The following USP9X variants were observed in gnomAD, a reference collection of about 807,000 sequenced individuals.
USP9X encodes the protein ubiquitin specific peptidase 9 X-linked, also known as ubiquitin carboxyl-terminal hydrolase 9X.
USP9X carries 7 observed loss-of-function variants against 190.3 expected under a neutral mutation model. The observed-to-expected ratio is 0.04, with a 90% CI of 0.02 to 0.07. The LOEUF (loss-of-function observed/expected upper bound fraction) is 0.07. Ranked by LOEUF, USP9X falls within the 10% of genes least tolerant of loss-of-function variation. The pLI, the probability that USP9X is intolerant of heterozygous loss-of-function variation, is 1.00. For synonymous variants in USP9X, 645 were observed against 659.5 expected (o/e 0.98, Z 0.34); for missense variants, 1,010 against 1,916.9 (o/e 0.53, Z 8.83).
intron 4 of USP9X, 106 bp downstream of exon 4, chrX:41,131,642 A>G: frequency 1.5e-6 from 1 of 660,906 alleles, no homozygotes; most frequent in Non-Finnish European, 2.2e-6. Context: ...TCATAAACAC[A>G]TACTGCAGCT....
chrX:41,125,643 A>AACACACACAC lies in USP9X; in HGVS notation c.96+1952_96+1961dup, dbSNP rs748348083. ...TCCCTCCCCCCACACCCCTCCCGCC[A>AACACACACAC]ACACACACACACACACACACACACA... On this transcript the variant is annotated intron_variant, in intron 2 of 44. Transcript: ENST00000378308. 5.0e-3 allele frequency among the ~76,000 whole-genome samples: 137 copies of AACACACACAC among 27,669 alleles called. 1 individual carries two copies. The highest frequency in any genetic ancestry group is 6.5e-3 in the Non-Finnish European group (99 of 15,216). 24.0% of individuals were successfully genotyped at this position (27,669 alleles called of 115,157 possible).
At chrX:41,125,684 A>ACACACACACACACACACCCTCT in intron 2 of USP9X, among the ~76,000 whole-genome samples, 1 of 19,027 alleles carries the variant, frequency 5.3e-5, no homozygotes, top group Non-Finnish European at 9.0e-5. Context: ...ACACACACAC[A>ACACACACACACACACACCCTCT]CTCTCTCTCT....
chrX:41,170,743 C>T, intron 20 of USP9X, 124 bp downstream of exon 20: 1 of 650,758 alleles, frequency 1.5e-6, no homozygotes, highest in East Asian at 3.7e-5. Context: ...CAAAAAAATA[C>T]AGTTAACCAC....
intron 26 of USP9X, among the ~76,000 whole-genome samples, chrX:41,190,244 G>T (rs1235339797): frequency 1.8e-5 from 2 of 111,925 alleles, no homozygotes; most frequent in Non-Finnish European, 3.8e-5. Context: ...ATGAAACATA[G>T]TAATAATTAA....
At chrX:41,109,219 A>T (rs766418175) in intron 1 of USP9X, among the ~76,000 whole-genome samples, 3 of 112,128 alleles carry the variant, frequency 2.7e-5, no homozygotes, top group African/African-American at 9.7e-5. Flanking sequence ...TAAAAAAATA[A>T]TTTTCACCAG....
rs72624294 is a variant in USP9X at position 41,089,394 on chromosome X, T to C, written c.-159+3285T>C. 3.8e-3 allele frequency among the ~76,000 whole-genome samples: 430 copies of C among 111,873 alleles called. 15 individuals are homozygous for C. In the East Asian group the frequency reaches 0.088, roughly 23 times the overall value. ...TCTCGTACCAGAGTAAGTTAAGATA[T>C]AGTTTAGTTTTTAAGACTATCAAGA... On this transcript the variant is annotated intron_variant, in intron 1 of 44. Transcript: ENST00000378308.
At chrX:41,185,126 A>G (rs1298315710) in intron 23 of USP9X, among the ~76,000 whole-genome samples, 1 of 112,399 alleles carries the variant, frequency 8.9e-6, no homozygotes, top group African/African-American at 3.2e-5. Flanking sequence ...GACATGCCAG[A>G]ATTTGATACT....
rs770635292 is a variant in USP9X at position 41,196,323 on chromosome X, A to G, written c.4050A>G (p.Leu1350=). ...GATGTTGCATGGGACACCGGCCTCT[A>G]CTTTTCTTCATTACTCTACTCTTTA... ...CTRCCMGHRP[L]LFFITLLFTV... is the part of the protein sequence containing the mutation. The change falls in exon 27 of 45, where the codon CTA becomes CTG. Residue 1350 remains leucine, a synonymous_variant. Coordinates refer to ENST00000378308, the MANE Select transcript of USP9X (RefSeq NM_001039591.3). 1 of 1,211,817 alleles carries G rather than the reference A, an allele frequency of 8.3e-7. No individual in the cohort carries two copies. The highest frequency in any genetic ancestry group is 1.8e-5 in the South Asian group (1 of 57,013).
In USP9X at chrX:41,170,593, G is replaced by C; in HGVS notation, c.3001G>C (p.Glu1001Gln). ...GNHYSDGPNP[E>Q]VESCLPGVIM... The stretch of plus-strand genomic sequence containing the variant: ...TCATTACAGTGATGGTCCCAATCCA[G>C]AAGTGGAAAGCTGTTTGCCTGGAGT... Residue 1001 changes from glutamate (E) to glutamine (Q), a missense_variant, in exon 20 of 45, where the codon GAA (glutamate) becomes CAA (glutamine). Physicochemically the swap from Glu to Gln is conservative, Grantham distance 29. Around this residue, in one of 11 missense-constraint regions of USP9X, gnomAD observed 351 missense variants for 480.8 expected, o/e 0.73. Coordinates refer to ENST00000378308, the MANE Select transcript of USP9X (RefSeq NM_001039591.3). 8.3e-7 allele frequency: 1 copy of C among 1,211,009 alleles called. No individual in the cohort carries two copies. The highest frequency in any genetic ancestry group is 1.1e-6 in the Non-Finnish European group (1 of 895,183).
intron 26 of USP9X, among the ~76,000 whole-genome samples, chrX:41,194,810 G>T (rs1452286407): frequency 9.0e-6 from 1 of 110,936 alleles, no homozygotes; most frequent in East Asian, 2.8e-4. Context: ...GGTTCTTGAG[G>T]TCCTCTTATA....
intron 21 of USP9X, among the ~76,000 whole-genome samples, chrX:41,181,015 C>G (rs1448246976): frequency 9.0e-6 from 1 of 111,529 alleles, no homozygotes; most frequent in Admixed American, 9.5e-5. Flanking sequence ...TGTTACACTT[C>G]TTTTCATTCT....
intron 33 of USP9X, among the ~76,000 whole-genome samples, chrX:41,211,168 T>A (rs1355419540): frequency 1.8e-5 from 2 of 111,583 alleles, no homozygotes; most frequent in Non-Finnish European, 3.8e-5. Context: ...ATTTGTAAAT[T>A]TTTTTAGAGA....
intron 1 of USP9X, among the ~76,000 whole-genome samples, chrX:41,117,191 A>G (rs1008323214): frequency 8.9e-6 from 1 of 111,889 alleles, no homozygotes; most frequent in Non-Finnish European, 1.9e-5. Context: ...GTCCTGTCAT[A>G]AGCAGAAGAT....
intron 1 of USP9X, among the ~76,000 whole-genome samples, chrX:41,099,219 C>T (rs1340855534): frequency 9.7e-6 from 1 of 103,282 alleles, no homozygotes; most frequent in Non-Finnish European, 1.9e-5. Context: ...GCTGGGATTA[C>T]AGGTGTGAGC....
intron 1 of USP9X, among the ~76,000 whole-genome samples, chrX:41,094,184 CTT>C (rs56901756): frequency 4.0e-5 from 4 of 100,091 alleles, no homozygotes; most frequent in South Asian, 4.5e-4. Flanking sequence ...TTTCTTTTTT[CTT>C]TTTTTTTGAA....
At chrX:41,117,457 A>T (rs1286120741) in intron 1 of USP9X, among the ~76,000 whole-genome samples, 1 of 111,726 alleles carries the variant, frequency 9.0e-6, no homozygotes, top group Non-Finnish European at 1.9e-5. Context: ...ATTTTAGCTC[A>T]AATGATCTCC....
intron 21 of USP9X, among the ~76,000 whole-genome samples, chrX:41,180,091 C>T (rs1181854571): frequency 2.7e-5 from 3 of 111,836 alleles, no homozygotes. Flanking sequence ...ATTTTTAAAG[C>T]TGTCTTCTGC....
intron 38 of USP9X, among the ~76,000 whole-genome samples, chrX:41,221,497 T>C (rs1426449615): frequency 9.0e-6 from 1 of 111,109 alleles, no homozygotes; most frequent in Admixed American, 9.6e-5. Context: ...GAAGACTTAA[T>C]GGGGAATGTA....
intron 1 of USP9X, among the ~76,000 whole-genome samples, chrX:41,087,052 G>A (rs983582574): frequency 8.9e-6 from 1 of 112,602 alleles, no homozygotes; most frequent in African/African-American, 3.2e-5. Context: ...CTTAAATTAA[G>A]CATGTTATTT....
Sources: allele counts gnomAD v4.1 joint callset (sites outside exome capture counted in the v4.1 genomes callset), GRCh38; gene constraint gnomAD v4.1.1; regional missense constraint gnomAD v4.1.1; transcripts MANE v1.5; gene names NCBI Gene and HGNC (gene_info 2026-07-23, HGNC 2026-07-21).